The following ARID4B variants were observed in gnomAD, a reference collection of about 807,000 sequenced individuals.
The protein encoded by ARID4B is AT-rich interaction domain 4B, also known as AT-rich interactive domain-containing protein 4B.
In ARID4B, 26 loss-of-function variants were observed where a neutral mutation model predicts 147.5. That is an observed-to-expected ratio of 0.18 (90% CI 0.13 to 0.24). The LOEUF is 0.24. Among genes scored for constraint, ARID4B ranks in the 10% least tolerant of loss-of-function variants. ARID4B has a pLI of 1.00. For missense variants in ARID4B, 1,179 were observed against 1,511.5 expected, an observed-to-expected ratio of 0.78 and a Z score of 3.65; for synonymous variants, 512 against 507.9, an observed-to-expected ratio of 1.01 and a Z score of -0.11.
At chr1:235,307,563 A>G (rs1019639288) in intron 2 of ARID4B, among the ~76,000 whole-genome samples, 1 of 152,124 alleles carries the variant, frequency 6.6e-6, no homozygotes, top group Non-Finnish European at 1.5e-5. Context: ...CCAAAGAAAA[A>G]GAGAGAGAGA....
rs765300454 is a variant in ARID4B, at chr1:235,168,400, G to C, written c.*125C>G. ...GTGCACTTAAGTGCCAAGTCAGCTT[G>C]TCAAGAAACAATTTTTAAATATAAA... On this transcript the variant is annotated 3_prime_UTR_variant, in exon 24 of 24. Transcript: ENST00000264183. The C allele has an allele frequency of 1.7e-6, 2 of 1,158,288 alleles. No homozygotes were observed. The highest frequency in any genetic ancestry group is 2.3e-6 in the Non-Finnish European group (2 of 874,254). The allele number at this position is 1,158,288 out of a possible 1,614,324, so 71.8% of individuals were successfully genotyped here. A position where few individuals can be genotyped will look rare whatever the true frequency, so the allele number is the denominator to read the frequency against.
chr1:235,216,744 T>C (rs1667116211), intron 16 of ARID4B, among the ~76,000 whole-genome samples: 1 of 152,082 alleles, frequency 6.6e-6, no homozygotes, highest in African/African-American at 2.4e-5. Flanking sequence ...GAAATGGGAT[T>C]ATCAATGATA....
intron 16 of ARID4B, among the ~76,000 whole-genome samples, chr1:235,217,239 C>T (rs1215593739): frequency 3.9e-5 from 6 of 152,064 alleles, no homozygotes; most frequent in Non-Finnish European, 8.8e-5. Flanking sequence ...TAATTACTGG[C>T]AATCAACCAA....
chr1:235,269,508 T>G (rs1572119414), intron 2 of ARID4B, among the ~76,000 whole-genome samples: 2 of 152,220 alleles, frequency 1.3e-5, no homozygotes, highest in East Asian at 3.8e-4. Context: ...TCTGTTCTAT[T>G]TATCAGGAAT....
chr1:235,253,272 C>T (rs985567860), intron 5 of ARID4B, among the ~76,000 whole-genome samples: 5 of 152,196 alleles, frequency 3.3e-5, no homozygotes, highest in African/African-American at 1.2e-4. Flanking sequence ...AGCACTGTCA[C>T]TAGTGACATA....
At chr1:235,219,752 A>G (rs1160792529) in intron 16 of ARID4B, 41 bp downstream of exon 16, 24 of 1,483,050 alleles carry the variant, frequency 1.6e-5, no homozygotes, top group Non-Finnish European at 2.0e-5. Context: ...ATAAGAATCC[A>G]TCAAGCTGAA....
At chr1:235,223,382 T>TATATATACATGTATATATATATATATAC (rs71172272) in intron 12 of ARID4B, 122 bp from the exon 13 acceptor site, 2 of 211,900 alleles carry the variant, frequency 9.4e-6, no homozygotes, top group Non-Finnish European at 1.8e-5. Context: ...TATATATATA[T>TATATATACATGTATATATATATATATAC]ACACGTATAT....
intron 2 of ARID4B, among the ~76,000 whole-genome samples, chr1:235,264,751 T>C (rs1670493944): frequency 6.6e-6 from 1 of 152,212 alleles, no homozygotes; most frequent in Admixed American, 6.5e-5. Flanking sequence ...TTCTTCTTAA[T>C]ATTCGAGGGG....
At chr1:235,325,172 G>T (rs1326611430) in intron 2 of ARID4B, among the ~76,000 whole-genome samples, 1 of 152,072 alleles carries the variant, frequency 6.6e-6, no homozygotes. Flanking sequence ...TATGAAGTTA[G>T]AAATTTATTT....
At chr1:235,230,427 AAAACAAAACAAAAC>A (rs1668126441) in intron 10 of ARID4B, among the ~76,000 whole-genome samples, 2 of 145,028 alleles carry the variant, frequency 1.4e-5, no homozygotes, top group South Asian at 2.2e-4. Context: ...AAAACAAAAC[AAAACAAAACAAAAC>A]AAAAAAAACA....
chr1:235,220,437 T>A lies in ARID4B; in HGVS notation c.1272A>T (p.Lys424Asn). ...NKQCKECENV[K>N]EIKVKEENET... ...CATTTTCCTCCTTAACTTTTATTTC[T>A]TTTACATTTTCACACTCCTTACATT... The change falls in exon 15 of 24, where the codon AAA becomes AAT. Residue 424 changes from lysine to asparagine, a missense_variant. Physicochemically the swap from Lys to Asn is moderately conservative, Grantham distance 94. Transcript: ENST00000264183. 2.5e-6 allele frequency: 4 copies of A among 1,612,890 alleles called. No homozygotes were observed. Among genetic ancestry groups the A allele is most frequent in the Non-Finnish European group, 3.4e-6 (4 of 1,179,132 alleles).
chr1:235,326,173 A>G lies in ARID4B; in HGVS notation c.6+741T>C, dbSNP rs575069893. On this transcript the variant is annotated intron_variant, in intron 2 of 23. Coordinates refer to ENST00000264183, the MANE Select transcript of ARID4B (RefSeq NM_016374.6). ...TTTAAAAAAAAAAAAGACAGCATTC[A>G]TATACATATTCTCTCAAGTAACAAA... Among the ~76,000 whole-genome samples, 3 of 152,256 alleles carry G rather than the reference A, an allele frequency of 2.0e-5. No individual in the cohort carries two copies. The East Asian group carries it at 5.8e-4, about 29-fold the overall frequency.
rs1211454287 is a variant in ARID4B, at chr1:235,196,180, T to C, written c.1842-65A>G. On this transcript the variant is annotated intron_variant, in intron 17 of 23. Transcript: ENST00000264183. ...TACCACGGAAATAACCTATGCCATA[T>C]TAAAGAGAAACTCATATAGAATCTT... 18 of 777,992 alleles carry C rather than the reference T, an allele frequency of 2.3e-5. No homozygotes were observed. In the South Asian group the frequency reaches 3.5e-4, roughly 15 times the overall value. The allele number at this position is 777,992 out of a possible 1,614,324, so 48.2% of individuals were successfully genotyped here. A position where few individuals can be genotyped will look rare whatever the true frequency, so the allele number is the denominator to read the frequency against.
chr1:235,257,074 A>G (rs1342882690), intron 4 of ARID4B, 86 bp downstream of exon 4: 1 of 916,664 alleles, frequency 1.1e-6, no homozygotes, highest in African/African-American at 1.7e-5. Flanking sequence ...TATCAACTCA[A>G]TAACAAAAGA....
At chr1:235,266,247 T>C (rs529599835) in intron 2 of ARID4B, among the ~76,000 whole-genome samples, 1 of 152,268 alleles carries the variant, frequency 6.6e-6, no homozygotes, top group South Asian at 2.1e-4. Context: ...ATAAAAAAGA[T>C]TATGTCAGCA....
Position 235,219,932 on chromosome 1 carries a change from G to T in ARID4B, c.1444C>A (p.His482Asn), listed in dbSNP as rs1424356641. 6.3e-7 allele frequency: 1 copy of T among 1,575,328 alleles called. No homozygotes were observed. Among genetic ancestry groups the T allele is most frequent in the South Asian group, 1.2e-5 (1 of 86,176 alleles). ...TTAACTTCTTTTTCCTGATCAGAATGTGTAGGTATAGATTCTAATAAATTC... is the reference window on the plus strand; with the variant it reads ...TTAACTTCTTTTTCCTGATCAGAATTTGTAGGTATAGATTCTAATAAATTC... ...KKNLLESIPT[H>N]SDQEKEVNIK... Residue 482 changes from histidine to asparagine, a missense_variant, in exon 16 of 24, where the codon CAT becomes AAT. Physicochemically the swap from His to Asn is moderately conservative, Grantham distance 68 (BLOSUM62 1). This residue lies in a region of ARID4B where 204 missense variants were observed against 210.9 expected (regional missense o/e 0.97). Transcript: ENST00000264183.
intron 2 of ARID4B, among the ~76,000 whole-genome samples, chr1:235,296,835 A>AGGG (rs766793546): frequency 0.045 from 889 of 19,616 alleles, 130 homozygotes; most frequent in African/African-American, 0.084. Flanking sequence ...GGAAGGAAGG[A>AGGG]AGGGAGGAAG....
rs143833560 is a variant in ARID4B, at chr1:235,233,862, C to T, written c.665+551G>A. ...TTTGGGGTTCGAGGCGGGCAGATCA[C>T]GAGATCAGGAGTTCGAGACCAGCCT... On this transcript the variant is annotated intron_variant, in intron 9 of 23. Coordinates refer to ENST00000264183, the MANE Select transcript of ARID4B (RefSeq NM_016374.6). 5.6e-3 allele frequency among the ~76,000 whole-genome samples: 856 copies of T among 152,156 alleles called. 4 individuals carry two copies. The highest frequency in any genetic ancestry group is 9.0e-3 in the Non-Finnish European group (611 of 67,986).
At chr1:235,178,738 A>G (rs933741843) in intron 20 of ARID4B, among the ~76,000 whole-genome samples, 2 of 152,150 alleles carry the variant, frequency 1.3e-5, no homozygotes, top group Non-Finnish European at 1.5e-5. Flanking sequence ...AGAGACTAAT[A>G]AAGTACTATC....
Sources: gnomAD v4.1 joint callset for allele counts (sites outside exome capture counted in the v4.1 genomes callset) on GRCh38, gnomAD v4.1.1 for gene constraint, gnomAD v4.1.1 regional missense constraint, MANE v1.5 for transcripts, NCBI Gene and HGNC (gene_info 2026-07-23, HGNC 2026-07-21) for gene names.